Variants in L3MBTL4 observed in about 807,000 individuals in gnomAD.
The protein encoded by L3MBTL4 is L3MBTL histone methyl-lysine binding protein 4.
A neutral mutation model predicts 84.5 loss-of-function variants in L3MBTL4; 70 were observed. The observed-to-expected ratio is 0.83, with a 90% CI of 0.68 to 1.01. The LOEUF (loss-of-function observed/expected upper bound fraction) is 1.01, where lower values mean the gene tolerates loss of function less well. Among genes scored for constraint, L3MBTL4 ranks in the 50% least tolerant of loss-of-function variants. The pLI is 0.00. For missense variants in L3MBTL4, 715 were observed against 754.8 expected, an observed-to-expected ratio of 0.95 and a Z score of 0.62; for synonymous variants, 274 against 259.8, an observed-to-expected ratio of 1.05 and a Z score of -0.52.
chr18:6,096,070 ATT>A (rs994719870), intron 14 of L3MBTL4, among the ~76,000 whole-genome samples: 1 of 148,162 alleles, frequency 6.7e-6, no homozygotes, highest in Non-Finnish European at 1.5e-5. Context: ...ATAACCATGA[ATT>A]TTTTTTTTTG....
intron 5 of L3MBTL4, chr18:6,259,736 T>C (rs2048315053): frequency 6.6e-6 from 1 of 152,144 alleles, no homozygotes; most frequent in South Asian, 2.1e-4. Context: ...ATTCTGTAGG[T>C]TGTCTCTTTA....
intron 4 of L3MBTL4, among the ~76,000 whole-genome samples, chr18:6,300,574 T>C (rs574319913): frequency 6.6e-6 from 1 of 152,346 alleles, no homozygotes; most frequent in South Asian, 2.1e-4. Flanking sequence ...TATACCTGGA[T>C]GTAATGAAAC....
intron 15 of L3MBTL4, among the ~76,000 whole-genome samples, chr18:6,090,234 C>T (rs760722364): frequency 2.1e-4 from 32 of 152,212 alleles, no homozygotes; most frequent in South Asian, 1.7e-3. Flanking sequence ...CTGTATCTTA[C>T]TGTTATAAAG....
intron 1 of L3MBTL4, among the ~76,000 whole-genome samples, chr18:6,321,415 G>A (rs560089405): frequency 3.9e-5 from 6 of 152,036 alleles, no homozygotes; most frequent in Non-Finnish European, 8.8e-5. Context: ...AAAAACAATA[G>A]ATGTTGGTGT....
chr18:5,978,545 G>A (rs1354619285), intron 16 of L3MBTL4, among the ~76,000 whole-genome samples: 1 of 152,122 alleles, frequency 6.6e-6, no homozygotes, highest in Admixed American at 6.5e-5. Context: ...GACTGGAGTG[G>A]CTCTTATTTT....
intron 16 of L3MBTL4, among the ~76,000 whole-genome samples, chr18:6,038,276 CAG>C (rs1309761492): frequency 3.6e-5 from 2 of 55,552 alleles, no homozygotes; most frequent in East Asian, 6.6e-4. Context: ...TTTTTTGAGA[CAG>C]AGTCTTGCTC....
At chr18:6,189,963 C>CT (rs2044990945) in intron 12 of L3MBTL4, among the ~76,000 whole-genome samples, 1 of 152,088 alleles carries the variant, frequency 6.6e-6, no homozygotes, top group Admixed American at 6.5e-5. Context: ...GAATCAATGT[C>CT]TGAAGAGATG....
chr18:5,970,144 C>T (rs2052569126), intron 16 of L3MBTL4, among the ~76,000 whole-genome samples: 1 of 152,226 alleles, frequency 6.6e-6, no homozygotes. Flanking sequence ...CCCAGCAGCG[C>T]ACCATGACCT....
chr18:5,991,586 C>G (rs1200931074), intron 16 of L3MBTL4, among the ~76,000 whole-genome samples: 1 of 152,052 alleles, frequency 6.6e-6, no homozygotes, highest in Non-Finnish European at 1.5e-5. Flanking sequence ...ATAACTAGAG[C>G]GAGGAAAGAG....
chr18:5,969,792 G>A (rs540815468), intron 16 of L3MBTL4, among the ~76,000 whole-genome samples: 9 of 152,198 alleles, frequency 5.9e-5, no homozygotes, highest in Non-Finnish European at 8.8e-5. Context: ...CTGTGGCTGT[G>A]TGCCAGCCAC....
chr18:6,143,240 T>C (rs1019008474), intron 13 of L3MBTL4, among the ~76,000 whole-genome samples: 3 of 152,322 alleles, frequency 2.0e-5, no homozygotes, highest in Non-Finnish European at 4.4e-5. Context: ...AATGCATATT[T>C]ATCTCCATAT....
At chr18:6,140,570 C>G (rs1047691493) in intron 13 of L3MBTL4, among the ~76,000 whole-genome samples, 13 of 152,092 alleles carry the variant, frequency 8.5e-5, no homozygotes, top group Non-Finnish European at 1.6e-4. Context: ...CACCGCCTGC[C>G]CAGCACTTCC....
At chr18:6,362,204 GGA>G (rs1360167542) in intron 1 of L3MBTL4, among the ~76,000 whole-genome samples, 1 of 101,158 alleles carries the variant, frequency 9.9e-6, no homozygotes, top group Non-Finnish European at 1.9e-5. Flanking sequence ...AGGGAGGGAG[GGA>G]AGGAGGGAGG....
chr18:6,055,408 C>G (rs2056986027), intron 16 of L3MBTL4, among the ~76,000 whole-genome samples: 2 of 152,038 alleles, frequency 1.3e-5, no homozygotes, highest in Admixed American at 1.3e-4. Flanking sequence ...GTTCTATGCC[C>G]CAACCGTTAA....
At chr18:6,035,056 T>A (rs2056054037) in intron 16 of L3MBTL4, among the ~76,000 whole-genome samples, 1 of 151,904 alleles carries the variant, frequency 6.6e-6, no homozygotes, top group African/African-American at 2.4e-5. Context: ...TAGCCCTTTG[T>A]CAGATGAGTA....
intron 14 of L3MBTL4, among the ~76,000 whole-genome samples, chr18:6,121,231 T>C (rs761239381): frequency 6.6e-6 from 1 of 152,220 alleles, no homozygotes; most frequent in Admixed American, 6.5e-5. Flanking sequence ...CTTTGGATTA[T>C]TGCCCTGGCA....
intron 1 of L3MBTL4, among the ~76,000 whole-genome samples, chr18:6,339,699 C>CA (rs1272769113): frequency 1.3e-5 from 2 of 151,426 alleles, no homozygotes; most frequent in Admixed American, 6.6e-5. Flanking sequence ...CAAGGCAAGA[C>CA]AAAAAGCAAA....
intron 1 of L3MBTL4, among the ~76,000 whole-genome samples, chr18:6,313,775 T>C (rs996128818): frequency 6.6e-6 from 1 of 152,174 alleles, no homozygotes; most frequent in Non-Finnish European, 1.5e-5. Flanking sequence ...CTCAATAACC[T>C]TGATTTGTTT....
chr18:6,382,977 T>C (rs1043934087), intron 1 of L3MBTL4, among the ~76,000 whole-genome samples: 1 of 152,150 alleles, frequency 6.6e-6, no homozygotes, highest in Non-Finnish European at 1.5e-5. Flanking sequence ...AGTCCCTGAC[T>C]GGGGCTTTGC....
Sources: allele counts gnomAD v4.1 joint callset (sites outside exome capture counted in the v4.1 genomes callset), GRCh38; gene constraint gnomAD v4.1.1; transcripts MANE v1.5; gene names NCBI Gene and HGNC (gene_info 2026-07-23, HGNC 2026-07-21).